SYNPR: variants seen among roughly 807,000 people sequenced by gnomAD.
SYNPR encodes the protein synaptoporin.
Under a neutral mutation model 32.9 loss-of-function variants are expected in SYNPR, and 23 were observed. That is an observed-to-expected ratio of 0.70 (90% CI 0.50 to 0.99). The LOEUF (loss-of-function observed/expected upper bound fraction) is 0.99, where lower values mean the gene tolerates loss of function less well. SYNPR is among the 50% of genes least tolerant of loss of function. The pLI, the probability that SYNPR is intolerant of heterozygous loss-of-function variation, is 0.00. For missense variants in SYNPR, 318 were observed against 349.3 expected (o/e 0.91, Z 0.71); for synonymous variants, 146 against 135.9 (o/e 1.07, Z -0.52).
intron 2 of SYNPR, among the ~76,000 whole-genome samples, chr3:63,365,661 T>G (rs1368810436): frequency 6.6e-6 from 1 of 152,212 alleles, no homozygotes; most frequent in African/African-American, 2.4e-5. Context: ...AAGAAATATA[T>G]TCAGTTCTCT....
intron 3 of SYNPR, among the ~76,000 whole-genome samples, chr3:63,539,048 T>C (rs1702256594): frequency 6.6e-6 from 1 of 152,174 alleles, no homozygotes; most frequent in African/African-American, 2.4e-5. Context: ...TCTCATCATT[T>C]GCTTAGTTTC....
At chr3:63,469,172 A>C (rs1213396277) in intron 2 of SYNPR, among the ~76,000 whole-genome samples, 1 of 152,148 alleles carries the variant, frequency 6.6e-6, no homozygotes, top group Non-Finnish European at 1.5e-5. Flanking sequence ...TGCACATGGC[A>C]ATCTGAGGCC....
At chr3:63,547,955 G>A (rs1330976439) in intron 3 of SYNPR, among the ~76,000 whole-genome samples, 1 of 152,170 alleles carries the variant, frequency 6.6e-6, no homozygotes, top group Non-Finnish European at 1.5e-5. Flanking sequence ...GTCAATCATT[G>A]ATTGGCATCC....
intron 4 of SYNPR, chr3:63,561,437 A>G (rs1702687382): frequency 6.6e-6 from 1 of 152,214 alleles, no homozygotes; most frequent in Non-Finnish European, 1.5e-5. Context: ...TCCAGAGCTC[A>G]ATTCATAATC....
intron 3 of SYNPR, among the ~76,000 whole-genome samples, chr3:63,492,886 G>C (rs991480721): frequency 6.6e-6 from 1 of 152,054 alleles, no homozygotes; most frequent in South Asian, 2.1e-4. Context: ...GAAATAGAGA[G>C]ACTGACTTTG....
At chr3:63,602,685 A>G (rs1700063397) in intron 4 of SYNPR, among the ~76,000 whole-genome samples, 1 of 152,040 alleles carries the variant, frequency 6.6e-6, no homozygotes, top group South Asian at 2.1e-4. Context: ...TAGGCTTTCT[A>G]TTCTGTTCCA....
rs374765519 is a variant in SYNPR at position 63,393,207 on chromosome 3, A to G, written c.85-87625A>G. Among the ~76,000 whole-genome samples the G allele has an allele frequency of 2.0e-4, 30 of 152,340 alleles. No individual in the cohort carries two copies. In the East Asian group the frequency reaches 3.7e-3, roughly 19 times the overall value. On this transcript the variant is annotated intron_variant, in intron 2 of 5. Coordinates refer to ENST00000478300, the MANE Select transcript of SYNPR (RefSeq NM_001130003.2). ...AAAACTTATTTTCTCTCTTCCCCCAATGATGAATATCTAAGATATTTTACT... is the reference window on the plus strand; with the variant it reads ...AAAACTTATTTTCTCTCTTCCCCCAGTGATGAATATCTAAGATATTTTACT...
rs531500594 is a variant in SYNPR, at chr3:63,457,904, A to G, written c.85-22928A>G. Among the ~76,000 whole-genome samples the G allele has an allele frequency of 2.6e-5, 4 of 152,282 alleles. No individual in the cohort carries two copies. In the East Asian group the frequency reaches 5.8e-4, roughly 22 times the overall value. On this transcript the variant is annotated intron_variant, in intron 2 of 5. Coordinates refer to ENST00000478300, the MANE Select transcript of SYNPR (RefSeq NM_001130003.2). ...ATATTACTGATAACTCAGACATGATAAATTTGATACTGATTTACTCTTTTT... is the reference window on the plus strand; with the variant it reads ...ATATTACTGATAACTCAGACATGATGAATTTGATACTGATTTACTCTTTTT...
intron 4 of SYNPR, among the ~76,000 whole-genome samples, chr3:63,595,720 T>C (rs1699923229): frequency 1.0e-4 from 1 of 9,750 alleles, no homozygotes; most frequent in Non-Finnish European, 6.0e-4. Context: ...TCTTATTTTA[T>C]ATATATATAT....
intron 4 of SYNPR, among the ~76,000 whole-genome samples, chr3:63,562,633 C>A (rs879787157): frequency 6.6e-6 from 1 of 152,172 alleles, no homozygotes. Context: ...TCAAAACAAT[C>A]CTGGGAGAGA....
chr3:63,238,115 G>A (rs1459632630), intron 1 of SYNPR, among the ~76,000 whole-genome samples: 1 of 152,004 alleles, frequency 6.6e-6, no homozygotes, highest in Non-Finnish European at 1.5e-5. Flanking sequence ...TGAGTGAGGG[G>A]CATGACACCC....
intron 2 of SYNPR, among the ~76,000 whole-genome samples, chr3:63,292,814 T>C (rs1178783302): frequency 6.6e-6 from 1 of 152,234 alleles, no homozygotes; most frequent in African/African-American, 2.4e-5. Flanking sequence ...TGCACACATA[T>C]GTTCTTTGTA....
At chr3:63,408,130 A>C (rs1478771328) in intron 2 of SYNPR, among the ~76,000 whole-genome samples, 1 of 125,650 alleles carries the variant, frequency 8.0e-6, no homozygotes, top group Admixed American at 8.6e-5. Flanking sequence ...AAACAGAACC[A>C]ATAGAAGAAA....
At position 63,519,360 on chromosome 3, in the gene SYNPR, A is replaced by C. The variant is rs964477419; in HGVS notation, c.210-37183A>C. On this transcript the variant is annotated intron_variant, in intron 3 of 5. Coordinates refer to ENST00000478300, the MANE Select transcript of SYNPR (RefSeq NM_001130003.2). Reference sequence around the variant, plus strand: ...TCTTCATCTCTAAATAGGATATGATAATAATAGTGACCTTATAGGATTGTT... The same window carrying C: ...TCTTCATCTCTAAATAGGATATGATCATAATAGTGACCTTATAGGATTGTT... Among the ~76,000 whole-genome samples, 3 of 152,330 alleles carry C rather than the reference A, an allele frequency of 2.0e-5. No homozygotes were observed. In the East Asian group the frequency reaches 5.8e-4, roughly 29 times the overall value.
At chr3:63,602,628 A>T (rs9877629) in intron 4 of SYNPR, among the ~76,000 whole-genome samples, 94,668 of 151,954 alleles carry the variant, frequency 0.62, 29,663 homozygotes, top group African/African-American at 0.68. Flanking sequence ...CTTGCTTTTC[A>T]CAATTTTGTC....
At chr3:63,252,900 A>T (rs1447214525) in intron 2 of SYNPR, among the ~76,000 whole-genome samples, 1 of 151,922 alleles carries the variant, frequency 6.6e-6, no homozygotes, top group African/African-American at 2.4e-5. Flanking sequence ...TTATCCAGGC[A>T]TGGTAGCGCT....
intron 3 of SYNPR, among the ~76,000 whole-genome samples, chr3:63,541,543 A>G (rs1702303362): frequency 6.6e-6 from 1 of 152,140 alleles, no homozygotes; most frequent in South Asian, 2.1e-4. Flanking sequence ...TAGATTTAAG[A>G]TGGAAATCTT....
chr3:63,561,739 A>G (rs1020982626), intron 4 of SYNPR, among the ~76,000 whole-genome samples: 2 of 152,158 alleles, frequency 1.3e-5, no homozygotes, highest in Non-Finnish European at 2.9e-5. Context: ...CAATGAGAGA[A>G]AACAAATTTT....
chr3:63,600,382 G>C (rs1328626758), intron 4 of SYNPR, among the ~76,000 whole-genome samples: 2 of 152,194 alleles, frequency 1.3e-5, no homozygotes, highest in East Asian at 3.9e-4. Flanking sequence ...CTGGATACCA[G>C]CTGGGTTTGG....
Sources: allele counts gnomAD v4.1 joint callset (sites outside exome capture counted in the v4.1 genomes callset), GRCh38; gene constraint gnomAD v4.1.1; transcripts MANE v1.5; gene names NCBI Gene and HGNC (gene_info 2026-07-23, HGNC 2026-07-21).